Variants in SCAMP1 observed in about 807,000 individuals in gnomAD.
SCAMP1 encodes the protein secretory carrier-associated membrane protein 1.
SCAMP1 carries 15 observed loss-of-function variants against 41.8 expected under a neutral mutation model. The ratio of observed to expected loss-of-function variants is 0.36; its 90% CI spans 0.24 to 0.55. SCAMP1 has a LOEUF of 0.55. SCAMP1 is among the 20% of genes least tolerant of loss of function. SCAMP1 has a pLI of 0.86. For missense variants in SCAMP1, 341 were observed against 412.6 expected, an observed-to-expected ratio of 0.83 and a Z score of 1.50; for synonymous variants, 135 against 136.8, an observed-to-expected ratio of 0.99 and a Z score of 0.09.
intron 8 of SCAMP1, among the ~76,000 whole-genome samples, chr5:78,467,419 C>A (rs1189914482): frequency 6.6e-6 from 1 of 152,146 alleles, no homozygotes; most frequent in Non-Finnish European, 1.5e-5. Flanking sequence ...CTTTGACCAG[C>A]AGTTTTTTTC....
At chr5:78,448,350 G>T (rs916581479) in intron 6 of SCAMP1, among the ~76,000 whole-genome samples, 1 of 148,264 alleles carries the variant, frequency 6.7e-6, no homozygotes, top group Non-Finnish European at 1.5e-5. Flanking sequence ...ACTCTTAAGA[G>T]AATGAAAAGA....
Position 78,459,366 on chromosome 5 carries a change from A to G in SCAMP1, c.852+4A>G, listed in dbSNP as rs374167703. On this transcript the variant is annotated splice_donor_region_variant and intron_variant, in intron 8 of 8. Coordinates refer to ENST00000621999, the MANE Select transcript of SCAMP1 (RefSeq NM_004866.6). ...CTCACTAGTTATGTTCAAAAAAGTA[A>G]GTGAAATTTTATGTCTAAATTTTTA... 6.6e-5 allele frequency: 93 copies of G among 1,399,314 alleles called. No individual in the cohort carries two copies. The Admixed American group carries it at 1.5e-3, about 22-fold the overall frequency. 86.7% of individuals were successfully genotyped at this position (1,399,314 alleles called of 1,614,324 possible).
chr5:78,371,496 A>G (rs1750942841), intron 1 of SCAMP1, among the ~76,000 whole-genome samples: 1 of 152,196 alleles, frequency 6.6e-6, no homozygotes, highest in African/African-American at 2.4e-5. Context: ...AAGGAGATGA[A>G]ATATTTTATC....
At chr5:78,421,645 G>A (rs1397963801) in intron 5 of SCAMP1, among the ~76,000 whole-genome samples, 156 bp from the exon 6 acceptor site, 1 of 152,146 alleles carries the variant, frequency 6.6e-6, no homozygotes, top group African/African-American at 2.4e-5. Flanking sequence ...AATCAAATAT[G>A]TAAGATACAA....
chr5:78,388,850 C>A lies in SCAMP1; in HGVS notation c.71C>A (p.Thr24Lys). The change falls in exon 2 of 9, where the codon ACA becomes AAA. Residue 24 changes from threonine (T) to lysine (K), a missense_variant. By Grantham distance (78) the Thr-to-Lys change is moderately conservative (BLOSUM62 -1). Coordinates refer to ENST00000621999, the MANE Select transcript of SCAMP1 (RefSeq NM_004866.6). ...ATTTTATTCTAGGATCCATCAGTTA[C>A]ACAAGTGACAAGAAATGTTCCACCA... ...LNNPFKDPSV[T>K]QVTRNVPPGL... 6.5e-7 allele frequency: 1 copy of A among 1,537,410 alleles called. No individual in the cohort carries two copies.
chr5:78,410,595 T>A (rs1190400919), intron 2 of SCAMP1, among the ~76,000 whole-genome samples: 2 of 152,190 alleles, frequency 1.3e-5, no homozygotes, highest in Non-Finnish European at 2.9e-5. Flanking sequence ...TGAATAGTGC[T>A]GCAGTAAACA....
intron 1 of SCAMP1, among the ~76,000 whole-genome samples, chr5:78,364,995 C>T (rs188817955): frequency 5.3e-4 from 80 of 151,204 alleles, no homozygotes; most frequent in African/African-American, 1.8e-3. Context: ...GTACGTTGTG[C>T]ACATGTACCC....
chr5:78,447,671 CTT>C (rs1753085443), intron 6 of SCAMP1, among the ~76,000 whole-genome samples: 1 of 152,064 alleles, frequency 6.6e-6, no homozygotes, highest in Non-Finnish European at 1.5e-5. Context: ...AAAAAAAAAT[CTT>C]TGCATTCTTG....
At position 78,360,638 on chromosome 5, in the gene SCAMP1, C is replaced by G; in HGVS notation, c.-34C>G. 1 of 1,593,446 alleles carries G rather than the reference C, an allele frequency of 6.3e-7. No homozygotes were observed. The highest frequency in any genetic ancestry group is 8.5e-7 in the Non-Finnish European group (1 of 1,170,800). On this transcript the variant is annotated 5_prime_UTR_variant, in exon 1 of 9. Coordinates refer to ENST00000621999, the MANE Select transcript of SCAMP1 (RefSeq NM_004866.6). ...CCTCGCCTCGTCTCTCTCTCTGCGC[C>G]TGGGTCGGGTGGGTGACGCCGAGAG...
At chr5:78,367,244 C>G (rs1261533038) in intron 1 of SCAMP1, among the ~76,000 whole-genome samples, 1 of 152,216 alleles carries the variant, frequency 6.6e-6, no homozygotes, top group Non-Finnish European at 1.5e-5. Flanking sequence ...TTACCACTGT[C>G]TCACTTATCT....
chr5:78,392,651 C>G (rs1751549552), intron 2 of SCAMP1, among the ~76,000 whole-genome samples: 1 of 152,140 alleles, frequency 6.6e-6, no homozygotes, highest in African/African-American at 2.4e-5. Flanking sequence ...GAAACACTTC[C>G]CTTAGATTTG....
intron 1 of SCAMP1, among the ~76,000 whole-genome samples, chr5:78,384,199 T>A (rs1751285419): frequency 7.6e-6 from 1 of 131,738 alleles, no homozygotes; most frequent in Admixed American, 7.7e-5. Flanking sequence ...TTTTTGCAGC[T>A]ATTTTAAAAG....
At chr5:78,371,210 T>C in intron 1 of SCAMP1, among the ~76,000 whole-genome samples, 1 of 152,206 alleles carries the variant, frequency 6.6e-6, no homozygotes, top group East Asian at 1.9e-4. Context: ...GGTGTTTTAG[T>C]GTCACATCTA....
chr5:78,388,771 G>A, intron 1 of SCAMP1, 66 bp from the exon 2 acceptor site: 1 of 851,398 alleles, frequency 1.2e-6, no homozygotes, highest in Non-Finnish European at 1.9e-6. Context: ...CAAATGGTAT[G>A]TAAATATCAA....
At chr5:78,408,420 G>T (rs774297637) in intron 2 of SCAMP1, among the ~76,000 whole-genome samples, 2 of 152,100 alleles carry the variant, frequency 1.3e-5, no homozygotes, top group Non-Finnish European at 2.9e-5. Context: ...TTTGGGTGGG[G>T]ACACAGCCAA....
chr5:78,439,865 A>G (rs138898436), intron 6 of SCAMP1, among the ~76,000 whole-genome samples: 3,026 of 152,180 alleles, frequency 0.02, 116 homozygotes, highest in African/African-American at 0.068. Flanking sequence ...TGAGACATAG[A>G]TTTGGTCTTT....
At chr5:78,455,179 T>G (rs924328381) in intron 7 of SCAMP1, among the ~76,000 whole-genome samples, 2 of 150,844 alleles carry the variant, frequency 1.3e-5, no homozygotes, top group Non-Finnish European at 3.0e-5. Context: ...GTGTCTCTAT[T>G]TCCTTCAGTT....
intron 2 of SCAMP1, among the ~76,000 whole-genome samples, chr5:78,399,350 T>C (rs544830140): frequency 1.8e-4 from 28 of 152,380 alleles, no homozygotes; most frequent in African/African-American, 6.0e-4. Flanking sequence ...ATAGACTGAC[T>C]GGACCATATG....
chr5:78,388,501 GC>G (rs1302831071), intron 1 of SCAMP1, among the ~76,000 whole-genome samples: 1 of 152,306 alleles, frequency 6.6e-6, no homozygotes, highest in East Asian at 1.9e-4. Context: ...CTTTGTCGAG[GC>G]CAAAGGAAAT....
Sources: allele counts gnomAD v4.1 joint callset (sites outside exome capture counted in the v4.1 genomes callset), GRCh38; gene constraint gnomAD v4.1.1; transcripts MANE v1.5; gene names NCBI Gene and HGNC (gene_info 2026-07-23, HGNC 2026-07-21).